GRIP1: variants seen among roughly 807,000 people sequenced by gnomAD.
The protein encoded by GRIP1 is glutamate receptor-interacting protein 1.
In GRIP1, 45 loss-of-function variants were observed where a neutral mutation model predicts 129.9. That is an observed-to-expected ratio of 0.35 (90% CI 0.27 to 0.44). The LOEUF is 0.44. Ranked by LOEUF, GRIP1 falls within the 20% of genes least tolerant of loss-of-function variation. The pLI, the probability that GRIP1 is intolerant of heterozygous loss-of-function variation, is 1.00. For missense variants in GRIP1, 1,196 were observed against 1,396.8 expected (o/e 0.86, Z 2.29); for synonymous variants, 530 against 520.8 (o/e 1.02, Z -0.24).
intron 1 of GRIP1, among the ~76,000 whole-genome samples, chr12:66,719,054 A>G (rs975421973): frequency 6.6e-6 from 1 of 151,948 alleles, no homozygotes; most frequent in East Asian, 1.9e-4. Flanking sequence ...GTATCTTAAT[A>G]CTTATTACTG....
intron 20 of GRIP1, among the ~76,000 whole-genome samples, chr12:66,377,737 C>T (rs969410065): frequency 6.6e-6 from 1 of 151,124 alleles, no homozygotes; most frequent in Non-Finnish European, 1.5e-5. Flanking sequence ...CCACCTGTGC[C>T]CTCCAAGAGT....
intron 1 of GRIP1, among the ~76,000 whole-genome samples, chr12:66,669,506 T>C (rs1440367316): frequency 6.6e-6 from 1 of 152,232 alleles, no homozygotes; most frequent in Non-Finnish European, 1.5e-5. Context: ...AAGTAAAGCA[T>C]GGATACTAAT....
At chr12:66,979,252 A>AAAAAC (rs772753895) in intron 1 of GRIP1, among the ~76,000 whole-genome samples, 29 of 110,200 alleles carry the variant, frequency 2.6e-4, no homozygotes, top group Non-Finnish European at 4.3e-4. Context: ...AAAAAAAAAA[A>AAAAAC]AACAAGCCCG....
chr12:66,522,159 C>A (rs142233835), intron 5 of GRIP1, among the ~76,000 whole-genome samples: 1 of 152,220 alleles, frequency 6.6e-6, no homozygotes, highest in Non-Finnish European at 1.5e-5. Context: ...AGTAGTGGTT[C>A]TCCCAGCATG....
intron 1 of GRIP1, among the ~76,000 whole-genome samples, chr12:66,634,803 C>T (rs1320317721): frequency 6.6e-6 from 1 of 152,212 alleles, no homozygotes; most frequent in Admixed American, 6.5e-5. Context: ...AGAACCCCTG[C>T]CTACGGGGTA....
At chr12:66,415,522 A>G (rs1197113573) in intron 15 of GRIP1, among the ~76,000 whole-genome samples, 1 of 152,110 alleles carries the variant, frequency 6.6e-6, no homozygotes, top group East Asian at 1.9e-4. Context: ...CGATTCCTCA[A>G]AGATATAGAA....
chr12:66,438,659 C>T, intron 13 of GRIP1, among the ~76,000 whole-genome samples: 1 of 152,058 alleles, frequency 6.6e-6, no homozygotes, highest in East Asian at 1.9e-4. Context: ...CCATGCTAGG[C>T]TAATTTTTAT....
At chr12:67,042,714 G>A (rs2043198191) in intron 1 of GRIP1, among the ~76,000 whole-genome samples, 1 of 152,182 alleles carries the variant, frequency 6.6e-6, no homozygotes, top group Non-Finnish European at 1.5e-5. Flanking sequence ...TTAGTGGTGA[G>A]AACAATTAGA....
chr12:66,508,888 A>C (rs566789335), intron 7 of GRIP1, among the ~76,000 whole-genome samples: 1 of 152,322 alleles, frequency 6.6e-6, no homozygotes, highest in African/African-American at 2.4e-5. Context: ...ATGTAATTTT[A>C]AAAATCCAGA....
intron 1 of GRIP1, among the ~76,000 whole-genome samples, chr12:66,852,247 A>G (rs1272634815): frequency 6.6e-6 from 1 of 152,032 alleles, no homozygotes; most frequent in Non-Finnish European, 1.5e-5. Context: ...TTTTTTTCAC[A>G]TACAAATTTG....
intron 1 of GRIP1, among the ~76,000 whole-genome samples, chr12:67,048,160 A>AAAAG (rs1247103768): frequency 6.6e-6 from 1 of 152,110 alleles, no homozygotes; most frequent in African/African-American, 2.4e-5. Flanking sequence ...GAAAAAAAAA[A>AAAAG]AAAGGTATTC....
intron 1 of GRIP1, among the ~76,000 whole-genome samples, chr12:67,042,835 C>G (rs552761912): frequency 4.4e-4 from 67 of 152,250 alleles, no homozygotes; most frequent in African/African-American, 1.6e-3. Context: ...GGAGCTGGGA[C>G]AGAGTTAAGC....
intron 1 of GRIP1, among the ~76,000 whole-genome samples, chr12:66,888,097 G>A (rs1357314958): frequency 2.0e-5 from 3 of 151,928 alleles, no homozygotes; most frequent in African/African-American, 4.8e-5. Context: ...TCTCTCTGTT[G>A]CCCAGGCTGG....
At chr12:66,698,831 T>C (rs879729619) in intron 1 of GRIP1, among the ~76,000 whole-genome samples, 30 of 152,328 alleles carry the variant, frequency 2.0e-4, no homozygotes, top group Middle Eastern at 6.8e-3. Flanking sequence ...TTTCTTTGAC[T>C]TTTTAAAGCA....
At position 66,657,300 on chromosome 12, in the gene GRIP1, G is replaced by A. The variant is rs142775325; in HGVS notation, c.55+21550C>T. Reference sequence around the variant, plus strand: ...GGACCCTCCCCACCACCCTGGTCCCGCCCCATTCGCCGCCACACCACTGCC... The same window carrying A: ...GGACCCTCCCCACCACCCTGGTCCCACCCCATTCGCCGCCACACCACTGCC... On this transcript the variant is annotated intron_variant, in intron 1 of 24. Coordinates refer to ENST00000359742, the MANE Select transcript of GRIP1 (RefSeq NM_001366722.1). Among the ~76,000 whole-genome samples the A allele has an allele frequency of 1.4e-3, 206 of 152,164 alleles. 1 individual carries two copies. Among genetic ancestry groups the A allele is most frequent in the African/African-American group, 4.7e-3 (196 of 41,512 alleles).
At chr12:66,636,315 G>A (rs1028170141) in intron 1 of GRIP1, among the ~76,000 whole-genome samples, 2 of 152,080 alleles carry the variant, frequency 1.3e-5, no homozygotes, top group Non-Finnish European at 1.5e-5. Context: ...ATGAAAAAAA[G>A]GTCTGGAAAT....
At chr12:66,403,977 T>C (rs1418341231) in intron 16 of GRIP1, among the ~76,000 whole-genome samples, 11 of 152,212 alleles carry the variant, frequency 7.2e-5, no homozygotes, top group Admixed American at 7.2e-4. Context: ...TGACATCTGC[T>C]GAGCAGGGCA....
intron 1 of GRIP1, among the ~76,000 whole-genome samples, chr12:66,605,056 T>TAC (rs2064453271): frequency 1.4e-5 from 2 of 138,662 alleles, no homozygotes; most frequent in East Asian, 3.9e-4. Context: ...GTCACTTATA[T>TAC]ATATATATAC....
intron 1 of GRIP1, among the ~76,000 whole-genome samples, chr12:66,787,231 G>A (rs1158911826): frequency 2.6e-5 from 4 of 152,162 alleles, no homozygotes; most frequent in Non-Finnish European, 1.5e-5. Context: ...CAGTCCTGGG[G>A]ATGTGTTCTA....
Sources: gnomAD v4.1 joint callset for allele counts (sites outside exome capture counted in the v4.1 genomes callset) on GRCh38, gnomAD v4.1.1 for gene constraint, MANE v1.5 for transcripts, NCBI Gene and HGNC (gene_info 2026-07-23, HGNC 2026-07-21) for gene names.